Variants in KCNIP3 observed in about 807,000 individuals in gnomAD.
KCNIP3 encodes potassium voltage-gated channel interacting protein 3.
In KCNIP3, 28 loss-of-function variants were observed where a neutral mutation model predicts 35.0. The ratio of observed to expected loss-of-function variants is 0.80; its 90% confidence interval spans 0.59 to 1.10. The LOEUF (loss-of-function observed/expected upper bound fraction) is 1.10. KCNIP3 is among the 50% of genes least tolerant of loss of function. The pLI is 0.00. For missense variants in KCNIP3, 295 were observed against 338.4 expected, an observed-to-expected ratio of 0.87 and a Z score of 1.01; for synonymous variants, 134 against 133.8, an observed-to-expected ratio of 1.00 and a Z score of -0.01.
chr2:95,364,668 G>A (rs921052269), intron 2 of KCNIP3, among the ~76,000 whole-genome samples: 1 of 152,028 alleles, frequency 6.6e-6, no homozygotes, highest in Non-Finnish European at 1.5e-5. Flanking sequence ...TAAAGAGCCT[G>A]GCACCTCCTC....
At chr2:95,326,218 C>T (rs1165265826) in intron 2 of KCNIP3, among the ~76,000 whole-genome samples, 3 of 149,840 alleles carry the variant, frequency 2.0e-5, no homozygotes, top group Non-Finnish European at 4.4e-5. Context: ...TACACACACA[C>T]TCATACACAT....
At chr2:95,341,532 C>T (rs1367023137) in intron 2 of KCNIP3, among the ~76,000 whole-genome samples, 3 of 152,178 alleles carry the variant, frequency 2.0e-5, no homozygotes, top group African/African-American at 7.2e-5. Context: ...AACAGGCTCT[C>T]CAGAAACAAA....
At chr2:95,366,146 C>T (rs1679912320) in intron 2 of KCNIP3, among the ~76,000 whole-genome samples, 1 of 152,068 alleles carries the variant, frequency 6.6e-6, no homozygotes, top group South Asian at 2.1e-4. Context: ...ACACCGGGCA[C>T]CTGGCGATAT....
chr2:95,325,492 G>A (rs957924174), intron 2 of KCNIP3, among the ~76,000 whole-genome samples: 10 of 152,116 alleles, frequency 6.6e-5, no homozygotes, highest in Non-Finnish European at 1.5e-4. Flanking sequence ...GGTTCAGGGG[G>A]CCAAGGCAGC....
In KCNIP3 at chr2:95,382,471, G is replaced by A; in HGVS notation, c.650G>A (p.Arg217Lys). 5.6e-6 allele frequency: 9 copies of A among 1,603,716 alleles called. No individual in the cohort carries two copies. Among genetic ancestry groups the A allele is most frequent in the Non-Finnish European group, 7.7e-6 (9 of 1,175,438 alleles). Residue 217 changes from arginine to lysine, a missense_variant, in exon 7 of 9, where the codon AGG becomes AAG. Physicochemically the swap from Arg to Lys is conservative, Grantham distance 26 (BLOSUM62 2). Coordinates refer to ENST00000295225, the MANE Select transcript of KCNIP3 (RefSeq NM_013434.5). This position sits in a 1 kb window ranked among gnomAD's most constrained non-coding sequence, Gnocchi z 4.5. Reference sequence around the variant, plus strand: ...GACGCGCCGGCGGAGCACGTGGAGAGGTTCTTCGAGGTGAGCGAGCGCCAG... The same window carrying A: ...GACGCGCCGGCGGAGCACGTGGAGAAGTTCTTCGAGGTGAGCGAGCGCCAG... The part of the protein sequence containing the change: ...REDAPAEHVE[R>K]FFEKMDRNQD...
intron 7 of KCNIP3, 87 bp from the exon 8 acceptor site, chr2:95,383,131 ACCCGCCCATCCACC>A: frequency 3.4e-6 from 1 of 295,836 alleles, no homozygotes; most frequent in South Asian, 2.4e-5. Context: ...CCATCCACCC[ACCCGCCCATCCACC>A]CACCCATGAC....
At chr2:95,346,960 A>T in intron 2 of KCNIP3, 1 of 1,313,192 alleles carries the variant, frequency 7.6e-7, no homozygotes, top group Non-Finnish European at 1.0e-6. Flanking sequence ...GGTGCCTCCG[A>T]GGCAGCGCGT....
chr2:95,320,610 G>A (rs1255292677), intron 2 of KCNIP3, among the ~76,000 whole-genome samples: 2 of 152,016 alleles, frequency 1.3e-5, no homozygotes, highest in Non-Finnish European at 2.9e-5. Flanking sequence ...CATCCCCTCC[G>A]GCTCCATGAA....
At chr2:95,345,176 C>T (rs1012525296) in intron 2 of KCNIP3, among the ~76,000 whole-genome samples, 2 of 152,266 alleles carry the variant, frequency 1.3e-5, no homozygotes, top group Admixed American at 6.5e-5. Flanking sequence ...AGCTGCACTG[C>T]GCAGCCCCTC....
intron 2 of KCNIP3, among the ~76,000 whole-genome samples, chr2:95,325,738 CAT>C (rs779941303): frequency 4.6e-5 from 7 of 151,676 alleles, no homozygotes; most frequent in African/African-American, 9.7e-5. Context: ...CATACACACT[CAT>C]ACACACGCAC....
Position 95,381,678 on chromosome 2 carries a change from A to G in KCNIP3, c.530A>G (p.Asn177Ser). 6.2e-7 allele frequency: 1 copy of G among 1,613,832 alleles called. No individual in the cohort carries two copies. The highest frequency in any genetic ancestry group is 1.1e-5 in the South Asian group (1 of 91,074). The change falls in exon 6 of 9, where the codon AAC becomes AGC. Residue 177 changes from asparagine to serine, a missense_variant. Transcript: ENST00000295225. ...LKWAFNLYDI[N>S]KDGYITKEEM... ...TGGGCCTTTAATCTCTACGACATTA[A>G]CAAGGATGGCTACATCACCAAAGAG...
At chr2:95,345,528 T>C (rs770583721) in intron 2 of KCNIP3, among the ~76,000 whole-genome samples, 4 of 152,214 alleles carry the variant, frequency 2.6e-5, no homozygotes, top group Non-Finnish European at 5.9e-5. Flanking sequence ...AGAGGCTCCC[T>C]AGATGGAAGC....
At chr2:95,316,215 T>C (rs539850479) in intron 2 of KCNIP3, among the ~76,000 whole-genome samples, 20 of 152,352 alleles carry the variant, frequency 1.3e-4, no homozygotes, top group African/African-American at 4.3e-4. Flanking sequence ...TCTGGGTCAT[T>C]AGGCCCAAGG....
At chr2:95,330,652 A>C (rs1678907023) in intron 2 of KCNIP3, among the ~76,000 whole-genome samples, 1 of 152,182 alleles carries the variant, frequency 6.6e-6, no homozygotes, top group African/African-American at 2.4e-5. Context: ...GCTGGCCTGG[A>C]GCCAGTGGCC....
At chr2:95,358,945 C>T (rs1196301726) in intron 2 of KCNIP3, among the ~76,000 whole-genome samples, 1 of 152,092 alleles carries the variant, frequency 6.6e-6, no homozygotes, top group East Asian at 1.9e-4. Flanking sequence ...CCTGCCTGGG[C>T]AACACAGTCA....
At chr2:95,355,543 T>C (rs1173171198) in intron 2 of KCNIP3, among the ~76,000 whole-genome samples, 2 of 152,140 alleles carry the variant, frequency 1.3e-5, no homozygotes, top group Non-Finnish European at 2.9e-5. Flanking sequence ...CCCCGCCCTG[T>C]GTCCAAGTGA....
chr2:95,336,484 T>C (rs1679062323), intron 2 of KCNIP3, among the ~76,000 whole-genome samples: 2 of 152,252 alleles, frequency 1.3e-5, no homozygotes, highest in Non-Finnish European at 2.9e-5. Flanking sequence ...ATCATAGTTA[T>C]TTTGAACTAT....
At chr2:95,359,026 T>C (rs1399313555) in intron 2 of KCNIP3, among the ~76,000 whole-genome samples, 1 of 152,184 alleles carries the variant, frequency 6.6e-6, no homozygotes, top group African/African-American at 2.4e-5. Flanking sequence ...ACTGTTGCAG[T>C]GGCAACTAAA....
intron 2 of KCNIP3, among the ~76,000 whole-genome samples, chr2:95,364,033 C>G (rs1679860819): frequency 6.6e-6 from 1 of 152,184 alleles, no homozygotes; most frequent in African/African-American, 2.4e-5. Flanking sequence ...TTCCTAAGAG[C>G]ATTGGCAGGA....
Sources: gnomAD v4.1 joint callset for allele counts (sites outside exome capture counted in the v4.1 genomes callset) on GRCh38, gnomAD v4.1.1 for gene constraint, Gnocchi (gnomAD v3.1) non-coding constraint, MANE v1.5 for transcripts, NCBI Gene and HGNC (gene_info 2026-07-23, HGNC 2026-07-21) for gene names.